ANAPC10: variants seen among roughly 807,000 people sequenced by gnomAD.
The protein encoded by ANAPC10 is anaphase promoting complex subunit 10.
A neutral mutation model predicts 22.0 loss-of-function variants in ANAPC10; 12 were observed. That is an observed-to-expected ratio of 0.55 (90% CI 0.35 to 0.88). ANAPC10 has a LOEUF of 0.88. Among genes scored for constraint, ANAPC10 ranks in the 40% least tolerant of loss-of-function variants. ANAPC10 has a pLI of 0.01. For synonymous variants in ANAPC10, 65 were observed against 69.5 expected, an observed-to-expected ratio of 0.94 and a Z score of 0.32; for missense variants, 188 against 220.9, an observed-to-expected ratio of 0.85 and a Z score of 0.94.
rs190682250 is a variant in ANAPC10, at chr4:145,004,988, G to C, written c.328-9385C>G. On this transcript the variant is annotated intron_variant, in intron 4 of 4. Coordinates refer to ENST00000507656, the MANE Select transcript of ANAPC10 (RefSeq NM_001256706.2). ...GGTTCTGGGCTTTTCCTGGTTGGTA[G>C]GCTTTTTATTACTGATTCAGTTTCA... Among the ~76,000 whole-genome samples the C allele has an allele frequency of 5.3e-5, 8 of 152,200 alleles. No homozygotes were observed. The East Asian group carries it at 1.5e-3, about 29-fold the overall frequency.
intron 3 of ANAPC10, among the ~76,000 whole-genome samples, chr4:145,075,741 C>G (rs988164326): frequency 6.6e-6 from 1 of 152,192 alleles, no homozygotes; most frequent in Non-Finnish European, 1.5e-5. Context: ...CCACAACCCC[C>G]CCAGGCATCT....
intron 2 of ANAPC10, among the ~76,000 whole-genome samples, chr4:145,087,001 C>T (rs186896262): frequency 1.3e-4 from 20 of 152,010 alleles, no homozygotes; most frequent in African/African-American, 4.8e-4. Flanking sequence ...TGACTTACTT[C>T]AGTCAATACA....
intron 2 of ANAPC10, among the ~76,000 whole-genome samples, chr4:145,091,336 A>G (rs1030175138): frequency 6.6e-6 from 1 of 152,232 alleles, no homozygotes; most frequent in South Asian, 2.1e-4. Flanking sequence ...GGTAAACTTT[A>G]CCAAAGGAGT....
At chr4:145,013,854 T>C (rs1289452439) in intron 4 of ANAPC10, among the ~76,000 whole-genome samples, 3 of 152,164 alleles carry the variant, frequency 2.0e-5, no homozygotes, top group Non-Finnish European at 2.9e-5. Flanking sequence ...AAGAAGATTC[T>C]GACCTTACCT....
At chr4:145,060,405 C>T (rs1385220753) in intron 4 of ANAPC10, among the ~76,000 whole-genome samples, 1 of 151,884 alleles carries the variant, frequency 6.6e-6, no homozygotes, top group African/African-American at 2.4e-5. Context: ...AGATACAATA[C>T]ATGCTTCATA....
chr4:145,014,507 T>C (rs552450777), intron 4 of ANAPC10, among the ~76,000 whole-genome samples: 11 of 152,084 alleles, frequency 7.2e-5, no homozygotes, highest in African/African-American at 2.2e-4. Flanking sequence ...CTATCCACCC[T>C]GGTAGTTGAA....
chr4:145,062,930 C>A (rs1306953719), intron 4 of ANAPC10, among the ~76,000 whole-genome samples: 3 of 152,064 alleles, frequency 2.0e-5, no homozygotes, highest in Non-Finnish European at 4.4e-5. Flanking sequence ...AGACAAATAC[C>A]ACATGATCTT....
intron 4 of ANAPC10, among the ~76,000 whole-genome samples, chr4:145,027,529 C>G (rs575102205): frequency 6.6e-6 from 1 of 152,194 alleles, no homozygotes; most frequent in East Asian, 1.9e-4. Context: ...ATTGAGCACC[C>G]TGCACAATAA....
At chr4:145,095,268 C>T (rs1748335632) in intron 2 of ANAPC10, among the ~76,000 whole-genome samples, 1 of 152,260 alleles carries the variant, frequency 6.6e-6, no homozygotes, top group Middle Eastern at 3.4e-3. Context: ...AAGGGAAATT[C>T]CAGAAACAAA....
At chr4:144,998,229 AC>A (rs1731929244) in intron 4 of ANAPC10, among the ~76,000 whole-genome samples, 1 of 152,166 alleles carries the variant, frequency 6.6e-6, no homozygotes, top group Non-Finnish European at 1.5e-5. Flanking sequence ...CACCAAGCGG[AC>A]CTAATAGACA....
intron 3 of ANAPC10, among the ~76,000 whole-genome samples, chr4:145,069,367 T>C (rs544656499): frequency 3.5e-4 from 54 of 152,280 alleles, no homozygotes; most frequent in African/African-American, 1.3e-3. Flanking sequence ...TCCAGAAATA[T>C]GCGTGGGGTC....
intron 3 of ANAPC10, among the ~76,000 whole-genome samples, chr4:145,066,234 A>G (rs919926070): frequency 1.3e-5 from 2 of 152,122 alleles, no homozygotes; most frequent in African/African-American, 4.8e-5. Flanking sequence ...TTTTCCTCGG[A>G]TCAAGAGGTA....
chr4:145,049,195 A>G (rs911809370), intron 4 of ANAPC10, among the ~76,000 whole-genome samples: 5 of 152,214 alleles, frequency 3.3e-5, no homozygotes, highest in Admixed American at 1.3e-4. Context: ...TTTTGGAGGC[A>G]GAGTATCTCA....
intron 4 of ANAPC10, among the ~76,000 whole-genome samples, chr4:145,054,569 A>AC (rs1440809678): frequency 2.6e-5 from 4 of 151,162 alleles, no homozygotes; most frequent in African/African-American, 9.7e-5. Flanking sequence ...AAAAAAAAAA[A>AC]AAAACTTACC....
rs776813227 is a variant in ANAPC10, at chr4:145,056,675, A to G, written c.327+7897T>C. On this transcript the variant is annotated intron_variant, in intron 4 of 4. Transcript: ENST00000507656. ...TGGGTAAGTGGTGGGGTCCTGTAAC[A>G]GTGTGGTTATTTAACAACTTTTTAA... Among the ~76,000 whole-genome samples the G allele has an allele frequency of 2.0e-5, 3 of 152,296 alleles. No homozygotes were observed. The South Asian group carries it at 6.2e-4, about 32-fold the overall frequency.
chr4:145,018,626 G>C (rs999289926), intron 4 of ANAPC10, among the ~76,000 whole-genome samples: 23 of 150,436 alleles, frequency 1.5e-4, no homozygotes, highest in African/African-American at 5.6e-4. Flanking sequence ...GACAGAGCGA[G>C]ACTCCATCTC....
intron 4 of ANAPC10, among the ~76,000 whole-genome samples, chr4:145,055,651 T>C (rs1741956822): frequency 6.6e-6 from 1 of 152,018 alleles, no homozygotes; most frequent in African/African-American, 2.4e-5. Context: ...TGAAGTAAGC[T>C]AGTCAAAAAA....
At chr4:145,049,511 A>G (rs1191316021) in intron 4 of ANAPC10, among the ~76,000 whole-genome samples, 1 of 152,188 alleles carries the variant, frequency 6.6e-6, no homozygotes, top group Non-Finnish European at 1.5e-5. Flanking sequence ...CTCATTTATG[A>G]GAAGCAACTC....
intron 4 of ANAPC10, among the ~76,000 whole-genome samples, chr4:145,018,426 G>C (rs554055747): frequency 7.2e-4 from 110 of 152,054 alleles, no homozygotes; most frequent in Non-Finnish European, 1.2e-3. Context: ...TTGAGGTCAG[G>C]AATTTGAAAC....
Sources: allele counts gnomAD v4.1 joint callset (sites outside exome capture counted in the v4.1 genomes callset), GRCh38; gene constraint gnomAD v4.1.1; transcripts MANE v1.5; gene names NCBI Gene and HGNC (gene_info 2026-07-23, HGNC 2026-07-21).